ZCCHC7: variants seen among roughly 807,000 people sequenced by gnomAD.
ZCCHC7 encodes zinc finger CCHC domain-containing protein 7.
Under a neutral mutation model 52.0 loss-of-function variants are expected in ZCCHC7, and 35 were observed. The observed-to-expected ratio is 0.67, with a 90% CI of 0.51 to 0.89. The LOEUF (loss-of-function observed/expected upper bound fraction) is 0.89, where lower values mean the gene tolerates loss of function less well. Ranked by LOEUF, ZCCHC7 falls within the 40% of genes least tolerant of loss-of-function variation. ZCCHC7 has a pLI of 0.00. For missense variants in ZCCHC7, 574 were observed against 649.1 expected (o/e 0.88, Z 1.26); for synonymous variants, 217 against 221.5 (o/e 0.98, Z 0.18).
chr9:37,343,366 A>G lies in ZCCHC7; in HGVS notation c.988-5991A>G, dbSNP rs73646369. Reference sequence around the variant, plus strand: ...TGCAGTTTTTTAGTAGAAAATATGTATTTGATGCACACTTAATTCCATTTT... The same window carrying G: ...TGCAGTTTTTTAGTAGAAAATATGTGTTTGATGCACACTTAATTCCATTTT... On this transcript the variant is annotated intron_variant, in intron 6 of 8. Transcript: ENST00000336755. Among the ~76,000 whole-genome samples the G allele has an allele frequency of 3.8e-3, 583 of 152,334 alleles. 3 individuals carry two copies. The highest frequency in any genetic ancestry group is 0.013 in the African/African-American group (546 of 41,586).
chr9:37,228,700 G>T (rs192879316), intron 2 of ZCCHC7, among the ~76,000 whole-genome samples: 1 of 151,328 alleles, frequency 6.6e-6, no homozygotes, highest in African/African-American at 2.4e-5. Context: ...AAAATATATT[G>T]ATATAAGAAA....
intron 2 of ZCCHC7, among the ~76,000 whole-genome samples, chr9:37,175,053 G>C (rs148596983): frequency 6.6e-6 from 1 of 151,476 alleles, no homozygotes; most frequent in South Asian, 2.1e-4. Context: ...CGAGAATTGC[G>C]TGAACCCGGG....
chr9:37,343,946 C>A (rs1260142106), intron 6 of ZCCHC7, among the ~76,000 whole-genome samples: 2 of 152,140 alleles, frequency 1.3e-5, no homozygotes, highest in South Asian at 4.1e-4. Context: ...ATAGACACTG[C>A]AATTTGAATT....
At chr9:37,179,924 TA>T (rs1419004122) in intron 2 of ZCCHC7, among the ~76,000 whole-genome samples, 1 of 152,174 alleles carries the variant, frequency 6.6e-6, no homozygotes, top group Non-Finnish European at 1.5e-5. Flanking sequence ...TTAGAGTCCA[TA>T]AGTATAAATT....
chr9:37,337,580 A>C (rs950911459), intron 6 of ZCCHC7, among the ~76,000 whole-genome samples: 1 of 152,128 alleles, frequency 6.6e-6, no homozygotes, highest in Admixed American at 6.6e-5. Flanking sequence ...ACAAAAGAAG[A>C]AGCTGGCATG....
chr9:37,271,593 A>G (rs76762596), intron 2 of ZCCHC7, among the ~76,000 whole-genome samples: 5,864 of 152,282 alleles, frequency 0.039, 356 homozygotes, highest in African/African-American at 0.13. Context: ...TTGTTGAGAC[A>G]TAGTCTTGCA....
At chr9:37,184,169 G>A (rs1822521245) in intron 2 of ZCCHC7, among the ~76,000 whole-genome samples, 1 of 152,172 alleles carries the variant, frequency 6.6e-6, no homozygotes, top group Non-Finnish European at 1.5e-5. Flanking sequence ...CTGTAGTTAA[G>A]TATTAGTTGA....
chr9:37,216,174 G>A (rs572970271), intron 2 of ZCCHC7, among the ~76,000 whole-genome samples: 97 of 152,190 alleles, frequency 6.4e-4, no homozygotes, highest in African/African-American at 1.8e-3. Context: ...AGGTCATATA[G>A]CATTTTCTGT....
rs201395017 is a variant in ZCCHC7, at chr9:37,357,672, CTTTTT to C, written c.*419_*423del. On this transcript the variant is annotated 3_prime_UTR_variant, in exon 9 of 9. Coordinates refer to ENST00000336755, the MANE Select transcript of ZCCHC7 (RefSeq NM_032226.3). ...AGAAAAAGTCATCAATATTTTTCAA[CTTTTT>C]TTTTTTTTTTTTTTACTTTGGAAAG... 2.2e-5 allele frequency: 3 copies of C among 136,494 alleles called. No individual in the cohort carries two copies. The highest frequency in any genetic ancestry group is 2.6e-5 in the African/African-American group (1 of 38,070). 8.5% of individuals were successfully genotyped at this position (136,494 alleles called of 1,614,324 possible).
At chr9:37,245,145 A>G (rs1171924307) in intron 2 of ZCCHC7, among the ~76,000 whole-genome samples, 4 of 151,918 alleles carry the variant, frequency 2.6e-5, no homozygotes. Flanking sequence ...TATTTTAGAT[A>G]GATAAAATTT....
chr9:37,205,426 T>G (rs909850906), intron 2 of ZCCHC7: 12 of 158,310 alleles, frequency 7.6e-5, no homozygotes, highest in Non-Finnish European at 9.7e-5. Context: ...ACAACTAGTA[T>G]ACTTTAATAC....
intron 2 of ZCCHC7, among the ~76,000 whole-genome samples, chr9:37,160,465 C>A (rs1314538428): frequency 6.6e-6 from 1 of 151,968 alleles, no homozygotes; most frequent in East Asian, 1.9e-4. Context: ...CTGCATTAAG[C>A]TAGGATTGCA....
intron 2 of ZCCHC7, among the ~76,000 whole-genome samples, chr9:37,150,979 T>A (rs1820487438): frequency 1.3e-5 from 2 of 150,618 alleles, no homozygotes; most frequent in African/African-American, 4.9e-5. Context: ...TTTTTTTTTT[T>A]TTTGAGACGG....
At chr9:37,219,727 A>G (rs1044497920) in intron 2 of ZCCHC7, among the ~76,000 whole-genome samples, 4 of 152,272 alleles carry the variant, frequency 2.6e-5, no homozygotes, top group African/African-American at 9.6e-5. Context: ...AATGTGGTAT[A>G]TTTAGAATCA....
chr9:37,135,538 T>C (rs1842962555), intron 2 of ZCCHC7, among the ~76,000 whole-genome samples: 1 of 152,232 alleles, frequency 6.6e-6, no homozygotes, highest in African/African-American at 2.4e-5. Flanking sequence ...TGTGTCAATG[T>C]AGAGCTCCTT....
chr9:37,332,893 T>A (rs150223338), intron 6 of ZCCHC7, among the ~76,000 whole-genome samples: 1 of 151,646 alleles, frequency 6.6e-6, no homozygotes, highest in South Asian at 2.1e-4. Flanking sequence ...ATTGTATGTA[T>A]GCATATTTAT....
intron 6 of ZCCHC7, among the ~76,000 whole-genome samples, chr9:37,341,686 A>G (rs1820647016): frequency 6.6e-6 from 1 of 152,120 alleles, no homozygotes; most frequent in South Asian, 2.1e-4. Context: ...GATTGGAGGG[A>G]GCTAGCCATT....
At chr9:37,205,539 C>T (rs548764741) in intron 2 of ZCCHC7, among the ~76,000 whole-genome samples, 3 of 152,086 alleles carry the variant, frequency 2.0e-5, no homozygotes, top group Admixed American at 6.5e-5. Flanking sequence ...TTTTTTGAGA[C>T]GGAGTCTCGC....
chr9:37,209,451 T>G (rs567540869), intron 2 of ZCCHC7, among the ~76,000 whole-genome samples: 1 of 152,278 alleles, frequency 6.6e-6, no homozygotes, highest in East Asian at 1.9e-4. Flanking sequence ...TCTTCCTCAA[T>G]TTTTTCAATC....
Sources: allele counts gnomAD v4.1 joint callset (sites outside exome capture counted in the v4.1 genomes callset), GRCh38; gene constraint gnomAD v4.1.1; transcripts MANE v1.5; gene names NCBI Gene and HGNC (gene_info 2026-07-23, HGNC 2026-07-21).